The following PRKN variants were observed in gnomAD, a reference collection of about 807,000 sequenced individuals.
PRKN encodes E3 ubiquitin-protein ligase parkin.
Under a neutral mutation model 59.5 loss-of-function variants are expected in PRKN, and 56 were observed. That is an observed-to-expected ratio of 0.94 (90% confidence interval 0.76 to 1.18). The LOEUF (loss-of-function observed/expected upper bound fraction) is 1.18. PRKN is among the 50% of genes most tolerant of loss of function. The probability of loss-of-function intolerance (pLI) is 0.00; values close to 1 mark genes in which losing one functional copy is unlikely to be tolerated. For synonymous variants in PRKN, 250 were observed against 222.1 expected, an observed-to-expected ratio of 1.13 and a Z score of -1.12; for missense variants, 657 against 596.4, an observed-to-expected ratio of 1.10 and a Z score of -1.06.
At chr6:161,534,357 A>C (rs1274287437) in intron 9 of PRKN, among the ~76,000 whole-genome samples, 2 of 151,926 alleles carry the variant, frequency 1.3e-5, no homozygotes, top group East Asian at 3.9e-4. Flanking sequence ...TTCCTTTCTC[A>C]CTGCATCATT....
At chr6:162,312,760 G>A (rs138634390) in intron 2 of PRKN, among the ~76,000 whole-genome samples, 2 of 152,240 alleles carry the variant, frequency 1.3e-5, no homozygotes, top group African/African-American at 4.8e-5. Context: ...TCGAAAAGCT[G>A]TGCACACACA....
chr6:161,976,474 G>A (rs57244997), intron 5 of PRKN, among the ~76,000 whole-genome samples: 20,151 of 152,164 alleles, frequency 0.13, 1,417 homozygotes, highest in South Asian at 0.23. Context: ...ATGAGTCCAG[G>A]ACCTTCCCCA....
chr6:161,618,683 C>T (rs1365008632), intron 7 of PRKN, among the ~76,000 whole-genome samples: 1 of 152,120 alleles, frequency 6.6e-6, no homozygotes, highest in African/African-American at 2.4e-5. Flanking sequence ...AAGAGCTGCC[C>T]CAAGACAGCT....
intron 2 of PRKN, among the ~76,000 whole-genome samples, chr6:162,289,595 G>T (rs1334007819): frequency 3.3e-5 from 5 of 151,820 alleles, no homozygotes; most frequent in African/African-American, 9.7e-5. Context: ...TACTTAGGAG[G>T]CTGAGGCAGG....
At chr6:161,831,468 ACAAGTC>A (rs1262973007) in intron 6 of PRKN, among the ~76,000 whole-genome samples, 1 of 152,236 alleles carries the variant, frequency 6.6e-6, no homozygotes, top group Non-Finnish European at 1.5e-5. Context: ...AACCACCTTG[ACAAGTC>A]AACTGACAGC....
intron 5 of PRKN, among the ~76,000 whole-genome samples, chr6:162,035,520 G>T (rs556723553): frequency 4.1e-4 from 62 of 152,240 alleles, no homozygotes; most frequent in African/African-American, 1.4e-3. Context: ...TAACTTAGGT[G>T]TTAAAAATAA....
chr6:161,441,646 TAAAAA>T (rs549048343), intron 9 of PRKN, among the ~76,000 whole-genome samples: 249 of 97,534 alleles, frequency 2.6e-3, no homozygotes, highest in African/African-American at 9.7e-3. Context: ...CTCTGTCTCT[TAAAAA>T]AAAAAAAAAA....
chr6:162,257,398 A>T (rs1056609774), intron 3 of PRKN, among the ~76,000 whole-genome samples: 2 of 151,978 alleles, frequency 1.3e-5, no homozygotes, highest in Non-Finnish European at 2.9e-5. Flanking sequence ...AATTAACATG[A>T]CTCTTCAAAA....
chr6:162,355,713 TA>T (rs563025533), intron 2 of PRKN, among the ~76,000 whole-genome samples: 31 of 145,592 alleles, frequency 2.1e-4, no homozygotes, highest in East Asian at 4.1e-4. Flanking sequence ...TGAACCAAAT[TA>T]AAAAAAAAAA....
At chr6:161,671,421 G>A (rs765827507) in intron 7 of PRKN, among the ~76,000 whole-genome samples, 10 of 152,108 alleles carry the variant, frequency 6.6e-5, no homozygotes, top group African/African-American at 1.9e-4. Flanking sequence ...ACACATCCGC[G>A]GCATGGAGCT....
In PRKN at chr6:162,266,299, TGTGTG is replaced by T. The variant is rs1336303908; in HGVS notation, c.172-3539_172-3535del. ...GCTTGGACAGTATATACATATATATTGTGTGTGTGTGTGTGTGTGTGTGTGTGTGT... is the reference window on the plus strand; with the variant it reads ...GCTTGGACAGTATATACATATATATTTGTGTGTGTGTGTGTGTGTGTGTGT... On this transcript the variant is annotated intron_variant, in intron 2 of 11. Transcript: ENST00000366898. Among the ~76,000 whole-genome samples the T allele has an allele frequency of 1.8e-3, 74 of 40,218 alleles. No homozygotes were observed. The African/African-American group carries it at 0.02, about 11-fold the overall frequency. 26.4% of individuals were successfully genotyped at this position (40,218 alleles called of 152,430 possible).
At chr6:162,173,279 C>A (rs1397356897) in intron 4 of PRKN, among the ~76,000 whole-genome samples, 1 of 152,164 alleles carries the variant, frequency 6.6e-6, no homozygotes, top group Non-Finnish European at 1.5e-5. Flanking sequence ...ACTCCCGTCT[C>A]ATGTCCTGAT....
chr6:161,445,795 T>TTTCCCTTCCC lies in PRKN; in HGVS notation c.1084-58928_1084-58919dup, dbSNP rs11272825. 5.0e-3 allele frequency among the ~76,000 whole-genome samples: 745 copies of TTTCCCTTCCC among 149,394 alleles called. 3 individuals carry two copies. Among genetic ancestry groups the TTTCCCTTCCC allele is most frequent in the African/African-American group, 6.1e-3 (250 of 40,668 alleles). On this transcript the variant is annotated intron_variant, in intron 9 of 11. Coordinates refer to ENST00000366898, the MANE Select transcript of PRKN (RefSeq NM_004562.3). The surrounding 1 kb of genome is among the most constrained non-coding windows in gnomAD (Gnocchi z 7.7). ...GGCCGCCAGCAAAGAATACAAGGGG[T>TTTCCCTTCCC]TTCCCTTCCCTTCCCTTCCCTTCCC...
At chr6:161,574,454 TA>T (rs1377761102) in intron 7 of PRKN, among the ~76,000 whole-genome samples, 1 of 152,194 alleles carries the variant, frequency 6.6e-6, no homozygotes, top group African/African-American at 2.4e-5. Context: ...TGATTTTTGG[TA>T]AATCTGCGTT....
At chr6:162,106,905 C>A (rs568497385) in intron 4 of PRKN, among the ~76,000 whole-genome samples, 2 of 152,264 alleles carry the variant, frequency 1.3e-5, no homozygotes, top group Admixed American at 1.3e-4. Context: ...TGCTGCCCAG[C>A]CCTCACTGTT....
rs1779827587 is a variant in PRKN at position 161,547,225 on chromosome 6, C to T, written c.1083+1629G>A. Among the ~76,000 whole-genome samples the T allele has an allele frequency of 6.6e-6, 1 of 152,158 alleles. No individual in the cohort carries two copies. On this transcript the variant is annotated intron_variant, in intron 9 of 11. Coordinates refer to ENST00000366898, the MANE Select transcript of PRKN (RefSeq NM_004562.3). The surrounding 1 kb of genome is among the most constrained non-coding windows in gnomAD (Gnocchi z 4.0). Reference sequence around the variant, plus strand: ...AACAAATTAAGATAAATTAAGAATACGCTACCTACAATTGCCAAAGGACAA... The same window carrying T: ...AACAAATTAAGATAAATTAAGAATATGCTACCTACAATTGCCAAAGGACAA...
At chr6:162,694,476 G>T (rs184738063) in intron 1 of PRKN, among the ~76,000 whole-genome samples, 7 of 152,166 alleles carry the variant, frequency 4.6e-5, no homozygotes, top group Non-Finnish European at 1.0e-4. Context: ...TTGCACAGGT[G>T]CTCCTAGAGG....
At chr6:162,727,365 G>C (rs1779304312) in intron 1 of PRKN, 4 of 473,294 alleles carry the variant, frequency 8.5e-6, no homozygotes, top group Admixed American at 4.2e-5. Context: ...CACGGTCCGG[G>C]GGACCGCGAA....
intron 4 of PRKN, among the ~76,000 whole-genome samples, chr6:162,085,963 A>T (rs1436979952): frequency 6.6e-6 from 1 of 152,190 alleles, no homozygotes; most frequent in Non-Finnish European, 1.5e-5. Flanking sequence ...AAGATTTGCC[A>T]TTCTACTCTA....
Sources: gnomAD v4.1 joint callset for allele counts (sites outside exome capture counted in the v4.1 genomes callset) on GRCh38, gnomAD v4.1.1 for gene constraint, Gnocchi (gnomAD v3.1) non-coding constraint, MANE v1.5 for transcripts, NCBI Gene and HGNC (gene_info 2026-07-23, HGNC 2026-07-21) for gene names.